The following AFF3 variants were observed in gnomAD, a reference collection of about 807,000 sequenced individuals.
The protein encoded by AFF3 is AF4/FMR2 family member 3.
A neutral mutation model predicts 129.7 loss-of-function variants in AFF3; 32 were observed. That is an observed-to-expected ratio of 0.25 (90% CI 0.19 to 0.33). The LOEUF (loss-of-function observed/expected upper bound fraction) is 0.33, where lower values mean the gene tolerates loss of function less well. Ranked by LOEUF, AFF3 falls within the 10% of genes least tolerant of loss-of-function variation. AFF3 has a pLI of 1.00. For synonymous variants in AFF3, 644 were observed against 635.4 expected, an observed-to-expected ratio of 1.01 and a Z score of -0.20; for missense variants, 1,373 against 1,592.0, an observed-to-expected ratio of 0.86 and a Z score of 2.34.
At chr2:99,553,293 T>C (rs529727536) in intron 24 of AFF3, among the ~76,000 whole-genome samples, 6 of 152,328 alleles carry the variant, frequency 3.9e-5, no homozygotes, top group East Asian at 1.9e-4. Context: ...GGCATTCTCA[T>C]TGGACTTTCT....
chr2:99,695,466 C>A (rs1281505965), intron 11 of AFF3, among the ~76,000 whole-genome samples: 2 of 152,160 alleles, frequency 1.3e-5, no homozygotes, highest in African/African-American at 4.8e-5. Flanking sequence ...CACGTGTATT[C>A]TTTTTAGTCG....
In AFF3 at chr2:100,098,520, G is replaced by T. The variant is rs1690454460; in HGVS notation, c.53+5882C>A. On this transcript the variant is annotated intron_variant, in intron 4 of 24. Coordinates refer to ENST00000672756, the MANE Select transcript of AFF3 (RefSeq NM_001386135.1). ...TATTAAGCCAAAGGTCTTCGTTCAA[G>T]TTGCTCAAGTGTCATTGATTAGACC... is the stretch of plus-strand genomic sequence containing the variant. Among the ~76,000 whole-genome samples, 4 of 141,142 alleles carry T rather than the reference G, an allele frequency of 2.8e-5. No individual in the cohort carries two copies. The Admixed American group carries it at 2.8e-4, about 10-fold the overall frequency. 92.6% of individuals were successfully genotyped at this position (141,142 alleles called of 152,430 possible). A position where few individuals can be genotyped will look rare whatever the true frequency, so the allele number is the denominator to read the frequency against.
At chr2:99,939,940 C>T (rs1281087715) in intron 7 of AFF3, among the ~76,000 whole-genome samples, 1 of 152,008 alleles carries the variant, frequency 6.6e-6, no homozygotes, top group Admixed American at 6.6e-5. Context: ...CTGGTGGGGC[C>T]TATATAGCTT....
chr2:99,547,554 G>T lies in AFF3; in HGVS notation c.*3920C>A. ...GTAACTCTGGAAAACTGTGAAAAAT[G>T]TTATTTAAAAATATATATGTATATG... On this transcript the variant is annotated 3_prime_UTR_variant, in exon 25 of 25. Transcript: ENST00000672756. 5.0e-6 allele frequency: 1 copy of T among 199,056 alleles called. No homozygotes were observed. Among genetic ancestry groups the T allele is most frequent in the Non-Finnish European group, 1.0e-5 (1 of 96,828 alleles). 12.3% of individuals were successfully genotyped at this position (199,056 alleles called of 1,614,324 possible).
chr2:100,064,096 AAAAGAAAAGAAAAG>A (rs1043152087), intron 4 of AFF3, among the ~76,000 whole-genome samples: 10 of 14,344 alleles, frequency 7.0e-4, no homozygotes, highest in East Asian at 9.8e-4. Flanking sequence ...TCTCAAAAAA[AAAAGAAAAGAAAAG>A]AAAAGAAAAG....
At chr2:99,994,274 A>G (rs747921253) in intron 7 of AFF3, among the ~76,000 whole-genome samples, 4 of 152,218 alleles carry the variant, frequency 2.6e-5, no homozygotes, top group Admixed American at 1.3e-4. Context: ...CGAATGATCT[A>G]TAAGAGCAAA....
In AFF3 at chr2:99,601,468, C is replaced by T. The variant is rs761561601; in HGVS notation, c.1338G>A (p.Glu446=). 1.4e-5 allele frequency: 22 copies of T among 1,609,158 alleles called. No homozygotes were observed. The highest frequency in any genetic ancestry group is 1.7e-5 in the Admixed American group (1 of 59,558). ...TGGAGAAGTGGGGGGGCTTGCTGCC[C>T]TCACTCTCGCTGGAGCTGCTCTCGG... The part of the protein sequence containing the change: ...SETESSSSES[E]GSKPPHFSSP... Residue 446 remains glutamate, a synonymous_variant, in exon 14 of 25, where the codon GAG becomes GAA. Coordinates refer to ENST00000672756, the MANE Select transcript of AFF3 (RefSeq NM_001386135.1).
At chr2:99,861,672 G>T (rs1691010476) in intron 7 of AFF3, among the ~76,000 whole-genome samples, 1 of 152,076 alleles carries the variant, frequency 6.6e-6, no homozygotes, top group African/African-American at 2.4e-5. Context: ...CATAACAAAA[G>T]AATGGACATA....
chr2:99,672,178 T>A (rs9679021), intron 12 of AFF3, among the ~76,000 whole-genome samples: 18,497 of 51,902 alleles, frequency 0.36, 2,004 homozygotes, highest in South Asian at 0.42. Context: ...AGTTAGCTTC[T>A]CACACACACA....
intron 7 of AFF3, among the ~76,000 whole-genome samples, chr2:99,935,321 GA>G (rs146385110): frequency 0.012 from 1,867 of 152,284 alleles, 47 homozygotes; most frequent in African/African-American, 0.042. Flanking sequence ...ACTTTCGGAA[GA>G]ACCCCTTCTT....
chr2:99,574,150 T>C (rs1481560625), intron 18 of AFF3, among the ~76,000 whole-genome samples: 1 of 152,230 alleles, frequency 6.6e-6, no homozygotes, highest in Non-Finnish European at 1.5e-5. Flanking sequence ...TCAAGTGTTG[T>C]CATTCATTGA....
At chr2:100,054,269 T>C (rs1472736749) in intron 4 of AFF3, among the ~76,000 whole-genome samples, 2 of 152,212 alleles carry the variant, frequency 1.3e-5, no homozygotes, top group Admixed American at 6.5e-5. Flanking sequence ...AGATGGATTT[T>C]CTGTGTCATC....
In AFF3 at chr2:99,947,649, T is replaced by TAGAC. The variant is rs1182923875; in HGVS notation, c.873+58982_873+58983insGTCT. Among the ~76,000 whole-genome samples the TAGAC allele has an allele frequency of 3.1e-3, 364 of 118,892 alleles. 2 individuals are homozygous for TAGAC. Among genetic ancestry groups the TAGAC allele is most frequent in the East Asian group, 0.012 (43 of 3,480 alleles). The allele number at this position is 118,892 out of a possible 152,430, so 78.0% of individuals were successfully genotyped here. On this transcript the variant is annotated intron_variant, in intron 7 of 24. Transcript: ENST00000672756. ...ATAGATAGATAGATAGATAGATAGA[T>TAGAC]AGATAGACAGACAGACAGACAGATA...
intron 1 of AFF3, among the ~76,000 whole-genome samples, chr2:100,138,292 T>G (rs1488658367): frequency 6.6e-6 from 1 of 152,162 alleles, no homozygotes; most frequent in Non-Finnish European, 1.5e-5. Flanking sequence ...TCTCCCCTCT[T>G]TCTGGGATTT....
intron 4 of AFF3, among the ~76,000 whole-genome samples, chr2:100,070,633 A>G (rs2105297910): frequency 6.6e-6 from 1 of 152,286 alleles, no homozygotes; most frequent in Admixed American, 6.5e-5. Context: ...CCATTAAAAC[A>G]CTTAGTTTTC....
intron 7 of AFF3, among the ~76,000 whole-genome samples, chr2:99,932,834 CAT>C (rs1674153776): frequency 6.6e-6 from 1 of 152,176 alleles, no homozygotes; most frequent in Non-Finnish European, 1.5e-5. Flanking sequence ...CACGTGACCC[CAT>C]AGACTTCTCC....
intron 11 of AFF3, among the ~76,000 whole-genome samples, chr2:99,677,677 T>C (rs926266042): frequency 6.6e-6 from 1 of 152,092 alleles, no homozygotes; most frequent in Non-Finnish European, 1.5e-5. Flanking sequence ...TTCAGAACTC[T>C]AAAGAGGGAG....
intron 7 of AFF3, among the ~76,000 whole-genome samples, chr2:99,950,438 A>G (rs769344550): frequency 5.9e-5 from 9 of 152,144 alleles, no homozygotes; most frequent in Non-Finnish European, 8.8e-5. Flanking sequence ...TTGAATCTGA[A>G]CATTCTCTGG....
At chr2:99,883,909 G>A (rs1692911398) in intron 7 of AFF3, among the ~76,000 whole-genome samples, 1 of 152,076 alleles carries the variant, frequency 6.6e-6, no homozygotes, top group South Asian at 2.1e-4. Flanking sequence ...TCTATTTCAG[G>A]GGCCTTGTTT....
Sources: gnomAD v4.1 joint callset for allele counts (sites outside exome capture counted in the v4.1 genomes callset) on GRCh38, gnomAD v4.1.1 for gene constraint, MANE v1.5 for transcripts, NCBI Gene and HGNC (gene_info 2026-07-23, HGNC 2026-07-21) for gene names.